Variants in OR51B5 observed in about 807,000 individuals in gnomAD.
The protein encoded by OR51B5 is olfactory receptor 51B5.
For synonymous variants in OR51B5, 186 were observed against 144.8 expected (o/e 1.28, Z -2.04); for missense variants, 456 against 374.6 (o/e 1.22, Z -1.79).
At chr11:5,378,586 A>T (rs544644372) in intron 1 of OR51B5, among the ~76,000 whole-genome samples, 78 of 152,328 alleles carry the variant, frequency 5.1e-4, no homozygotes, top group African/African-American at 1.7e-3. Context: ...AATATCCAGA[A>T]TCTATAATGA....
rs113079217 is a variant in OR51B5 at position 5,409,247 on chromosome 11, C to G, written n.85-62337G>C. On this transcript the variant is annotated intron_variant and non_coding_transcript_variant, in intron 1 of 4. Transcript: ENST00000415970. ...GAGTGGAGAACCTTGGAGAGGTAAA[C>G]TGACATCTAGAGCCATTTTCTTTCC... 3.9e-3 allele frequency among the ~76,000 whole-genome samples: 588 copies of G among 152,204 alleles called. 2 individuals are homozygous for G. Among genetic ancestry groups the G allele is most frequent in the African/African-American group, 0.013 (558 of 41,528 alleles).
intron 1 of OR51B5, among the ~76,000 whole-genome samples, chr11:5,451,081 A>C (rs1198400578): frequency 6.6e-6 from 1 of 152,234 alleles, no homozygotes; most frequent in African/African-American, 2.4e-5. Context: ...ATAAATGTAA[A>C]GTTCCTTGCA....
chr11:5,489,359 C>T (rs1445961557), intron 1 of OR51B5: 1 of 1,613,988 alleles, frequency 6.2e-7, no homozygotes, highest in Non-Finnish European at 8.5e-7. Flanking sequence ...ATTCTCATTG[C>T]CATTTCCTAT....
intron 1 of OR51B5, among the ~76,000 whole-genome samples, chr11:5,464,750 T>A (rs184711791): frequency 2.0e-5 from 3 of 152,180 alleles, no homozygotes; most frequent in Admixed American, 1.3e-4. Context: ...TAAACATACG[T>A]GTGCATGTGT....
At chr11:5,377,069 C>T (rs1849539436) in intron 1 of OR51B5, among the ~76,000 whole-genome samples, 1 of 152,164 alleles carries the variant, frequency 6.6e-6, no homozygotes, top group African/African-American at 2.4e-5. Flanking sequence ...CAATAAAATA[C>T]TGGCAAACCG....
At chr11:5,491,756 T>C (rs960112316) in intron 1 of OR51B5, among the ~76,000 whole-genome samples, 1 of 152,216 alleles carries the variant, frequency 6.6e-6, no homozygotes, top group Admixed American at 6.5e-5. Flanking sequence ...GAAACTTCCC[T>C]GATTACCAAT....
At chr11:5,477,666 G>A (rs919119028) in intron 1 of OR51B5, among the ~76,000 whole-genome samples, 17 of 152,186 alleles carry the variant, frequency 1.1e-4, no homozygotes, top group African/African-American at 3.9e-4. Context: ...CACCGTGCGC[G>A]AGCCGAAGCA....
At chr11:5,391,231 A>G (rs1849791184) in intron 1 of OR51B5, 1 of 152,248 alleles carries the variant, frequency 6.6e-6, no homozygotes, top group South Asian at 2.1e-4. Flanking sequence ...GAGTGACTAA[A>G]TGCAATCCTT....
intron 1 of OR51B5, among the ~76,000 whole-genome samples, chr11:5,477,385 G>C (rs900149216): frequency 7.9e-5 from 12 of 152,154 alleles, no homozygotes; most frequent in African/African-American, 2.9e-4. Context: ...GTCACCTTGA[G>C]GCTCACCTCC....
At chr11:5,392,931 A>C (rs1849818696) in intron 1 of OR51B5, 1 of 55,820 alleles carries the variant, frequency 1.8e-5, no homozygotes, top group South Asian at 4.7e-4. Flanking sequence ...AAAAAAGAAA[A>C]ATAAATAAAT....
intron 1 of OR51B5, among the ~76,000 whole-genome samples, chr11:5,404,676 T>C (rs1274058706): frequency 6.6e-6 from 1 of 152,208 alleles, no homozygotes; most frequent in Admixed American, 6.5e-5. Context: ...CTCTTCACAA[T>C]AAATCTTGTG....
chr11:5,359,316 T>C (rs1283048397), intron 1 of OR51B5, among the ~76,000 whole-genome samples: 1 of 148,416 alleles, frequency 6.7e-6, no homozygotes, highest in Admixed American at 6.8e-5. Flanking sequence ...AAAATCAATG[T>C]GCAAAAATCA....
At chr11:5,367,512 A>T (rs145685996) in intron 1 of OR51B5, among the ~76,000 whole-genome samples, 2 of 152,136 alleles carry the variant, frequency 1.3e-5, no homozygotes, top group African/African-American at 4.8e-5. Context: ...CTAAACAGTC[A>T]TAGTGCTGGT....
intron 1 of OR51B5, among the ~76,000 whole-genome samples, chr11:5,360,343 C>T (rs1248490413): frequency 6.6e-6 from 1 of 152,034 alleles, no homozygotes; most frequent in Non-Finnish European, 1.5e-5. Context: ...TATGAACAGA[C>T]ACTTCTCAAA....
rs78002215 is a variant in OR51B5, at chr11:5,362,650, G to T, written n.85-15740C>A. ...AGGCCATGAGCAGATACAACAGCCC[G>T]GTCAACCCAGCTGTCTTCCCCCATC... On this transcript the variant is annotated intron_variant and non_coding_transcript_variant, in intron 1 of 4. Coordinates refer to the OR51B5 transcript ENST00000415970. 6 of 190,042 alleles carry T rather than the reference G, an allele frequency of 3.2e-5. No individual in the cohort carries two copies. In the South Asian group the frequency reaches 8.1e-4, roughly 26 times the overall value. The allele number at this position is 190,042 out of a possible 1,614,324, so 11.8% of individuals were successfully genotyped here. A position where few individuals can be genotyped will look rare whatever the true frequency, so the allele number is the denominator to read the frequency against.
chr11:5,366,423 A>G (rs1304414682), intron 1 of OR51B5, among the ~76,000 whole-genome samples: 1 of 152,158 alleles, frequency 6.6e-6, no homozygotes, highest in Non-Finnish European at 1.5e-5. Flanking sequence ...CCTGACCAAC[A>G]TGGTGAAACC....
At chr11:5,492,530 T>C (rs1198887113) in intron 1 of OR51B5, among the ~76,000 whole-genome samples, 1 of 152,148 alleles carries the variant, frequency 6.6e-6, no homozygotes, top group Non-Finnish European at 1.5e-5. Context: ...GGAACTTAAT[T>C]GGTCCCTTTC....
intron 1 of OR51B5, among the ~76,000 whole-genome samples, chr11:5,476,583 T>G (rs1351173703): frequency 6.6e-6 from 1 of 152,202 alleles, no homozygotes; most frequent in Admixed American, 6.5e-5. Flanking sequence ...CCATCAGTAT[T>G]TCATGTATTT....
intron 1 of OR51B5, among the ~76,000 whole-genome samples, chr11:5,476,114 G>A (rs879370971): frequency 6.6e-6 from 1 of 152,158 alleles, no homozygotes; most frequent in Non-Finnish European, 1.5e-5. Flanking sequence ...TAGCTCTATA[G>A]GCTGTGTTAG....
Sources: gnomAD v4.1 joint callset for allele counts (sites outside exome capture counted in the v4.1 genomes callset) on GRCh38, gnomAD v4.1.1 for gene constraint, MANE v1.5 for transcripts, NCBI Gene and HGNC (gene_info 2026-07-23, HGNC 2026-07-21) for gene names.